The following NLRC5 variants were observed in gnomAD, a reference collection of about 807,000 sequenced individuals.
The protein encoded by NLRC5 is protein NLRC5.
Under a neutral mutation model 206.9 loss-of-function variants are expected in NLRC5, and 114 were observed. The observed-to-expected ratio is 0.55, with a 90% CI of 0.47 to 0.64. The LOEUF (loss-of-function observed/expected upper bound fraction) is 0.64. Among genes scored for constraint, NLRC5 ranks in the 30% least tolerant of loss-of-function variants. The pLI is 0.00. For synonymous variants in NLRC5, 952 were observed against 962.8 expected (o/e 0.99, Z 0.21); for missense variants, 2,008 against 2,305.5 (o/e 0.87, Z 2.64).
chr16:57,013,542 C>T (rs1308812405), intron 1 of NLRC5: 2 of 940,824 alleles, frequency 2.1e-6, no homozygotes, highest in Non-Finnish European at 3.5e-6. Context: ...CAATTAACTT[C>T]AGAAGTCGAG....
chr16:57,045,142 G>T (rs1459041570), intron 20 of NLRC5, among the ~76,000 whole-genome samples: 1 of 152,090 alleles, frequency 6.6e-6, no homozygotes, highest in African/African-American at 2.4e-5. Flanking sequence ...GGAAGGTTGA[G>T]GCTGCAGTGA....
At chr16:57,050,018 C>G (rs1383355014) in intron 23 of NLRC5, among the ~76,000 whole-genome samples, 2 of 151,820 alleles carry the variant, frequency 1.3e-5, no homozygotes, top group Non-Finnish European at 1.5e-5. Context: ...TCCCCCCTCC[C>G]TGAATTCAAG....
chr16:57,034,085 A>G, intron 12 of NLRC5, 83 bp from the exon 13 acceptor site: 1 of 1,160,394 alleles, frequency 8.6e-7, no homozygotes, highest in Non-Finnish European at 1.3e-6. Flanking sequence ...GGGCCCCCTG[A>G]CTCCCCCAGC....
intron 45 of NLRC5, 32 bp downstream of exon 45, chr16:57,079,324 C>A (rs760273944): frequency 1.6e-5 from 25 of 1,607,942 alleles, no homozygotes; most frequent in Admixed American, 3.3e-5. Flanking sequence ...CCTAGGGGAC[C>A]AGTGGCAGGC....
chr16:57,051,628 C>A lies in NLRC5; in HGVS notation c.3506+7C>A, dbSNP rs199475995. On this transcript the variant is annotated splice_region_variant and intron_variant, in intron 24 of 48. Coordinates refer to ENST00000688547, the MANE Select transcript of NLRC5 (RefSeq NM_001384950.1). ...CTCAGCTGAGCCTGCTGCAGTAAGA[C>A]GAGAGTTTTTCCTATTTCCCGGTTC... is the stretch of plus-strand genomic sequence containing the variant. The A allele has an allele frequency of 1.2e-6, 2 of 1,610,682 alleles. No homozygotes were observed. Among genetic ancestry groups the A allele is most frequent in the Non-Finnish European group, 1.7e-6 (2 of 1,176,892 alleles).
At chr16:57,065,050 A>T (rs929233500) in intron 32 of NLRC5, among the ~76,000 whole-genome samples, 162 bp from the exon 33 acceptor site, 2 of 152,138 alleles carry the variant, frequency 1.3e-5, no homozygotes, top group East Asian at 3.8e-4. Context: ...CCTTTTTTAG[A>T]TTGATGCCTA....
chr16:57,058,178 A>G lies in NLRC5; in HGVS notation c.3830+30A>G. ...GTGGAAAGCAGCATAAAGGACAGAT[A>G]GCAAGGAGGAAGGCTCCCCTAGGCC... is the stretch of plus-strand genomic sequence containing the variant. On this transcript the variant is annotated intron_variant, in intron 28 of 48. Coordinates refer to ENST00000688547, the MANE Select transcript of NLRC5 (RefSeq NM_001384950.1). The G allele has an allele frequency of 1.9e-6, 3 of 1,578,684 alleles. No homozygotes were observed. In the South Asian group the frequency reaches 3.4e-5, roughly 18 times the overall value.
Position 57,009,174 on chromosome 16 carries a change from C to T in NLRC5, c.-127-7900C>T, listed in dbSNP as rs187740972. On this transcript the variant is annotated intron_variant, in intron 1 of 48. Coordinates refer to ENST00000688547, the MANE Select transcript of NLRC5 (RefSeq NM_001384950.1). ...GCTGTGGTAGCATGAGCCTGTAGTC[C>T]CAGCTACTTAGGAGGCTGAGGCGGG... Among the ~76,000 whole-genome samples the T allele has an allele frequency of 2.6e-5, 4 of 151,856 alleles. No individual in the cohort carries two copies. The East Asian group carries it at 7.7e-4, about 29-fold the overall frequency.
intron 4 of NLRC5, 53 bp downstream of exon 4, chr16:57,022,368 C>G: frequency 6.6e-7 from 1 of 1,513,980 alleles, no homozygotes; most frequent in Non-Finnish European, 9.1e-7. Context: ...TGTGAAGTCC[C>G]CACTTCCAAG....
chr16:57,031,331 AG>A (rs1278794592), intron 10 of NLRC5, 72 bp from the exon 11 acceptor site: 1 of 1,496,632 alleles, frequency 6.7e-7, no homozygotes, highest in African/African-American at 1.4e-5. Flanking sequence ...GGGGCAGAAA[AG>A]GGTGTGCCTG....
intron 1 of NLRC5, among the ~76,000 whole-genome samples, chr16:57,006,888 C>CATTATT (rs9302685): frequency 0.053 from 7,602 of 143,988 alleles, 424 homozygotes; most frequent in African/African-American, 0.13. Context: ...ACCGTTAACA[C>CATTATT]ATTATTATTA....
chr16:57,038,968 T>C lies in NLRC5; in HGVS notation c.2802-813T>C, dbSNP rs1375762756. On this transcript the variant is annotated intron_variant, in intron 15 of 48. Coordinates refer to ENST00000688547, the MANE Select transcript of NLRC5 (RefSeq NM_001384950.1). The stretch of plus-strand genomic sequence containing the variant: ...AAAAAAAAAAAAAAAAGAGAGAGCA[T>C]GGTATATATAATCTGTTCCCATCAA... 4.0e-5 allele frequency among the ~76,000 whole-genome samples: 6 copies of C among 148,974 alleles called. 1 individual carries two copies. The highest frequency in any genetic ancestry group is 8.9e-5 in the Non-Finnish European group (6 of 67,428).
At chr16:57,015,925 C>CAAAAAAA (rs35216159) in intron 1 of NLRC5, among the ~76,000 whole-genome samples, 2 of 39,618 alleles carry the variant, frequency 5.0e-5, no homozygotes, top group Non-Finnish European at 9.7e-5. Flanking sequence ...AACTCCATCT[C>CAAAAAAA]AAAAAAAAAA....
chr16:57,045,511 G>GAAGA lies in NLRC5; in HGVS notation c.3248+19_3248+20insAAGA. ...CAAGCAGGTGAGGAGGGAACGCTCG[G>GAAGA]GGTGGGGGAGTCCCCTCCCGCTCTG... On this transcript the variant is annotated intron_variant, in intron 21 of 48. Coordinates refer to ENST00000688547, the MANE Select transcript of NLRC5 (RefSeq NM_001384950.1). 4 of 1,612,966 alleles carry GAAGA rather than the reference G, an allele frequency of 2.5e-6. No homozygotes were observed. The highest frequency in any genetic ancestry group is 1.7e-6 in the Non-Finnish European group (2 of 1,179,454).
chr16:57,029,369 A>G (rs1264958708), intron 8 of NLRC5, among the ~76,000 whole-genome samples: 1 of 152,186 alleles, frequency 6.6e-6, no homozygotes, highest in African/African-American at 2.4e-5. Context: ...TGGGTGAGTC[A>G]GGGCCACAGC....
Position 57,028,388 on chromosome 16 carries a change from G to T in NLRC5, c.2243+3G>T, listed in dbSNP as rs765096231. ...TGTCCACAGCTGAAAGAAGTCAGGT[G>T]AGTGATCTCCAGGAGGGCTCACTGA... On this transcript the variant is annotated splice_donor_region_variant and intron_variant, in intron 8 of 48. Transcript: ENST00000688547. 6.2e-7 allele frequency: 1 copy of T among 1,612,960 alleles called. No individual in the cohort carries two copies. Among genetic ancestry groups the T allele is most frequent in the Non-Finnish European group, 8.5e-7 (1 of 1,178,956 alleles).
Position 57,069,920 on chromosome 16 carries a change from G to A in NLRC5, c.4583+1G>A, listed in dbSNP as rs1250347590. ...ACTGCCACCACTTGGAGGAGCTGGA[G>A]TGAGTTGCAGAGTGGAGGGATTGGG... On this transcript the variant is annotated splice_donor_variant, in intron 37 of 48. Coordinates refer to ENST00000688547, the MANE Select transcript of NLRC5 (RefSeq NM_001384950.1). LOFTEE classifies it high-confidence loss of function. The A allele has an allele frequency of 1.3e-6, 2 of 1,571,420 alleles. No homozygotes were observed. Among genetic ancestry groups the A allele is most frequent in the Non-Finnish European group, 1.7e-6 (2 of 1,158,852 alleles).
intron 36 of NLRC5, 95 bp downstream of exon 36, chr16:57,067,923 C>T (rs976593646): frequency 1.4e-5 from 14 of 991,564 alleles, no homozygotes; most frequent in East Asian, 2.4e-5. Flanking sequence ...AGGACTCTTA[C>T]TCTGTGTCTT....
At position 57,029,976 on chromosome 16, in the gene NLRC5, C is replaced by T. The variant is rs369759336; in HGVS notation, c.2328-19C>T. ...GGGTAGGGGATTCCACTCCTGACAC[C>T]TTTGCCACAATCTTGCAGCCTGAGC... On this transcript the variant is annotated intron_variant, in intron 9 of 48. Transcript: ENST00000688547. 2 of 1,613,994 alleles carry T rather than the reference C, an allele frequency of 1.2e-6. No homozygotes were observed. Among genetic ancestry groups the T allele is most frequent in the South Asian group, 2.2e-5 (2 of 91,078 alleles).
Sources: allele counts gnomAD v4.1 joint callset (sites outside exome capture counted in the v4.1 genomes callset), GRCh38; gene constraint gnomAD v4.1.1; transcripts MANE v1.5; gene names NCBI Gene and HGNC (gene_info 2026-07-23, HGNC 2026-07-21).